The following ARID2 variants were observed in gnomAD, a reference collection of about 807,000 sequenced individuals.
ARID2 encodes the protein AT-rich interaction domain 2, also known as AT-rich interactive domain-containing protein 2.
In ARID2, 32 loss-of-function variants were observed where a neutral mutation model predicts 184.6. That is an observed-to-expected ratio of 0.17 (90% CI 0.13 to 0.23). The LOEUF (loss-of-function observed/expected upper bound fraction) is 0.23. Among genes scored for constraint, ARID2 ranks in the 10% least tolerant of loss-of-function variants. The pLI is 1.00. For missense variants in ARID2, 1,696 were observed against 2,197.6 expected (o/e 0.77, Z 4.56); for synonymous variants, 836 against 772.6 (o/e 1.08, Z -1.36).
In ARID2 at chr12:45,766,858, CTTGGGAGGCTGAGGCAGGAGA is replaced by C. The variant is rs1178093172; in HGVS notation, c.284+35545_284+35565del. Among the ~76,000 whole-genome samples, 824 of 151,698 alleles carry C rather than the reference CTTGGGAGGCTGAGGCAGGAGA, an allele frequency of 5.4e-3. 7 individuals carry two copies. Among genetic ancestry groups the C allele is most frequent in the African/African-American group, 0.019 (786 of 41,356 alleles). On this transcript the variant is annotated intron_variant, in intron 3 of 20. Transcript: ENST00000334344. ...AAGAAGTAGCTTGTAATCCTAGCTA[CTTGGGAGGCTGAGGCAGGAGA>C]ATCACTTGAACCTGGGAGGCAGAGA...
At chr12:45,844,401 AG>A (rs1303311035) in intron 11 of ARID2, among the ~76,000 whole-genome samples, 1 of 152,170 alleles carries the variant, frequency 6.6e-6, no homozygotes, top group Non-Finnish European at 1.5e-5. Flanking sequence ...CTTTGACAGT[AG>A]TTAAGGAGGC....
At chr12:45,882,720 A>C (rs926091267) in intron 16 of ARID2, among the ~76,000 whole-genome samples, 3 of 152,230 alleles carry the variant, frequency 2.0e-5, no homozygotes, top group Non-Finnish European at 2.9e-5. Context: ...CAATAGCTTG[A>C]CTTAAATGTC....
intron 4 of ARID2, among the ~76,000 whole-genome samples, chr12:45,815,039 G>A (rs1332585180): frequency 1.3e-5 from 2 of 152,108 alleles, no homozygotes; most frequent in Non-Finnish European, 1.5e-5. Context: ...AGTCATTCTG[G>A]TAAGGATGTA....
chr12:45,851,425 T>G lies in ARID2; in HGVS notation c.3302T>G (p.Val1101Gly), dbSNP rs761842735. ...CCTAGCCCTCAGGTGGTCTATCAGGTGGCCAGTAACCAAGCCGCAGGTTTT... is the reference window on the plus strand; with the variant it reads ...CCTAGCCCTCAGGTGGTCTATCAGGGGGCCAGTAACCAAGCCGCAGGTTTT... The part of the protein sequence containing the change: ...RAPSPQVVYQ[V>G]ASNQAAGFGV... The change falls in exon 15 of 21, where the codon GTG becomes GGG. Residue 1101 changes from valine (V) to glycine (G), a missense_variant. This residue lies in a region of ARID2 where 713 missense variants were observed against 824.4 expected (regional missense o/e 0.86). Transcript: ENST00000334344. 58 of 1,614,028 alleles carry G rather than the reference T, an allele frequency of 3.6e-5. No homozygotes were observed. The highest frequency in any genetic ancestry group is 1.2e-4 in the Admixed American group (7 of 60,000).
At chr12:45,766,879 A>G (rs1941781867) in intron 3 of ARID2, among the ~76,000 whole-genome samples, 1 of 150,358 alleles carries the variant, frequency 6.7e-6, no homozygotes, top group South Asian at 2.1e-4. Context: ...GAGGCAGGAG[A>G]ATCACTTGAA....
intron 4 of ARID2, among the ~76,000 whole-genome samples, chr12:45,813,681 C>G (rs1265484371): frequency 6.6e-6 from 1 of 151,988 alleles, no homozygotes; most frequent in Non-Finnish European, 1.5e-5. Context: ...TAATAAATTT[C>G]AGTGGTCAGT....
At chr12:45,801,261 G>A (rs964859387) in intron 3 of ARID2, among the ~76,000 whole-genome samples, 1 of 151,280 alleles carries the variant, frequency 6.6e-6, no homozygotes, top group Non-Finnish European at 1.5e-5. Context: ...GCAGTGAGCC[G>A]AGATAGCGCC....
chr12:45,865,451 G>A (rs1055650071), intron 16 of ARID2, among the ~76,000 whole-genome samples: 1 of 151,926 alleles, frequency 6.6e-6, no homozygotes, highest in Non-Finnish European at 1.5e-5. Context: ...AGAAAACAAA[G>A]TAACCCTTTG....
intron 20 of ARID2, chr12:45,904,288 A>C: frequency 1.4e-6 from 1 of 708,838 alleles, no homozygotes. Flanking sequence ...CCTTAAAAGC[A>C]ACCATTTTGT....
In ARID2 at chr12:45,835,650, C is replaced by T. The variant is rs537050541; in HGVS notation, c.706-939C>T. On this transcript the variant is annotated intron_variant, in intron 6 of 20. Transcript: ENST00000334344. Reference sequence around the variant, plus strand: ...GGCGCTGTGGCTCATGCCTGTAATCCCAGCACTTTGGGAGGCAGAGGCAGG... The same window carrying T: ...GGCGCTGTGGCTCATGCCTGTAATCTCAGCACTTTGGGAGGCAGAGGCAGG... Among the ~76,000 whole-genome samples, 5 of 152,144 alleles carry T rather than the reference C, an allele frequency of 3.3e-5. No individual in the cohort carries two copies. The South Asian group carries it at 8.3e-4, about 25-fold the overall frequency.
chr12:45,821,005 G>A (rs1455538413), intron 5 of ARID2, among the ~76,000 whole-genome samples: 1 of 152,114 alleles, frequency 6.6e-6, no homozygotes, highest in Admixed American at 6.5e-5. Flanking sequence ...TGCTCTCTAT[G>A]TTTTTTGAAG....
intron 3 of ARID2, among the ~76,000 whole-genome samples, chr12:45,740,237 TGA>T (rs967535556): frequency 1.2e-4 from 18 of 152,222 alleles, no homozygotes; most frequent in African/African-American, 4.3e-4. Flanking sequence ...ATAGTCCAGT[TGA>T]GAGAGAAATG....
At position 45,815,709 on chromosome 12, in the gene ARID2, T is replaced by A. The variant is rs150259212; in HGVS notation, c.419-1961T>A. Among the ~76,000 whole-genome samples the A allele has an allele frequency of 5.4e-3, 822 of 152,292 alleles. 6 individuals carry two copies. The highest frequency in any genetic ancestry group is 9.4e-3 in the Admixed American group (144 of 15,294). ...ACAGGTCTCACTTCGTCGCTCAGGC[T>A]GGAGTGCAGTGACTTAACCAAAGCT... On this transcript the variant is annotated intron_variant, in intron 4 of 20. Coordinates refer to ENST00000334344, the MANE Select transcript of ARID2 (RefSeq NM_152641.4).
rs185412398 is a variant in ARID2, at chr12:45,860,276, G to A, written c.4774-525G>A. On this transcript the variant is annotated intron_variant, in intron 15 of 20. Coordinates refer to ENST00000334344, the MANE Select transcript of ARID2 (RefSeq NM_152641.4). ...CAACTTCAAAATCTAAAATTGTTAA[G>A]CAGCTTACTGCAAATTAGTTAATAT... Among the ~76,000 whole-genome samples, 3 of 152,288 alleles carry A rather than the reference G, an allele frequency of 2.0e-5. No individual in the cohort carries two copies. In the East Asian group the frequency reaches 5.8e-4, roughly 29 times the overall value.
intron 12 of ARID2, 51 bp from the exon 13 acceptor site, chr12:45,848,785 T>C (rs543075972): frequency 6.1e-6 from 9 of 1,467,688 alleles, no homozygotes; most frequent in Admixed American, 2.2e-5. Flanking sequence ...TATTTAAATA[T>C]GGAGTTTCCT....
At chr12:45,784,133 G>A (rs1157614923) in intron 3 of ARID2, among the ~76,000 whole-genome samples, 1 of 152,020 alleles carries the variant, frequency 6.6e-6, no homozygotes, top group African/African-American at 2.4e-5. Context: ...GGGACTACAG[G>A]TGTGTGCTGC....
intron 20 of ARID2, among the ~76,000 whole-genome samples, chr12:45,899,522 C>G (rs563702956): frequency 6.7e-6 from 1 of 149,816 alleles, no homozygotes; most frequent in Non-Finnish European, 1.5e-5. Context: ...AGGAGAATGG[C>G]GTGAACACAG....
chr12:45,885,581 T>C (rs1317143510), intron 16 of ARID2, among the ~76,000 whole-genome samples: 1 of 152,180 alleles, frequency 6.6e-6, no homozygotes. Context: ...AAACTATCTG[T>C]ATTGTCCATT....
intron 16 of ARID2, among the ~76,000 whole-genome samples, chr12:45,882,573 T>C (rs1944123121): frequency 6.6e-6 from 1 of 152,230 alleles, no homozygotes; most frequent in Non-Finnish European, 1.5e-5. Context: ...ACTGCCATCT[T>C]GATAATGTGA....
Sources: gnomAD v4.1 joint callset for allele counts (sites outside exome capture counted in the v4.1 genomes callset) on GRCh38, gnomAD v4.1.1 for gene constraint, gnomAD v4.1.1 regional missense constraint, MANE v1.5 for transcripts, NCBI Gene and HGNC (gene_info 2026-07-23, HGNC 2026-07-21) for gene names.